Variants in ST6GALNAC3 observed in about 807,000 individuals in gnomAD.
The protein encoded by ST6GALNAC3 is alpha-N-acetylgalactosaminide alpha-2,6-sialyltransferase 3.
Under a neutral mutation model 32.7 loss-of-function variants are expected in ST6GALNAC3, and 25 were observed. That is an observed-to-expected ratio of 0.76 (90% CI 0.56 to 1.07). The LOEUF (loss-of-function observed/expected upper bound fraction) is 1.07, where lower values mean the gene tolerates loss of function less well. ST6GALNAC3 is among the 50% of genes least tolerant of loss of function. The pLI, the probability that ST6GALNAC3 is intolerant of heterozygous loss-of-function variation, is 0.00. For synonymous variants in ST6GALNAC3, 129 were observed against 133.1 expected, an observed-to-expected ratio of 0.97 and a Z score of 0.21; for missense variants, 355 against 382.4, an observed-to-expected ratio of 0.93 and a Z score of 0.60.
At chr1:76,552,483 G>T (rs1200677701) in intron 3 of ST6GALNAC3, among the ~76,000 whole-genome samples, 1 of 152,142 alleles carries the variant, frequency 6.6e-6, no homozygotes, top group Non-Finnish European at 1.5e-5. Flanking sequence ...TTGTGGAGGA[G>T]GTGAGTACCA....
intron 1 of ST6GALNAC3, among the ~76,000 whole-genome samples, chr1:76,266,358 C>A (rs1041419338): frequency 1.3e-5 from 2 of 152,104 alleles, no homozygotes; most frequent in Non-Finnish European, 2.9e-5. Context: ...GTCTTTACTG[C>A]CGAAACTCTC....
intron 3 of ST6GALNAC3, among the ~76,000 whole-genome samples, chr1:76,608,830 CT>C (rs1647737686): frequency 6.6e-6 from 1 of 152,116 alleles, no homozygotes; most frequent in Non-Finnish European, 1.5e-5. Context: ...CAGAATTGCA[CT>C]CAAATATATT....
In ST6GALNAC3 at chr1:76,633,097, C is replaced by T. The variant is rs1649379342; in HGVS notation, c.*4291C>T. Reference sequence around the variant, plus strand: ...TAAAGACCAGCCAATTCAACTCCTACACCTTGGAGCTGAGGAAACAGACAG... The same window carrying T: ...TAAAGACCAGCCAATTCAACTCCTATACCTTGGAGCTGAGGAAACAGACAG... On this transcript the variant is annotated 3_prime_UTR_variant, in exon 5 of 5. Coordinates refer to ENST00000328299, the MANE Select transcript of ST6GALNAC3 (RefSeq NM_152996.4). 6.6e-6 allele frequency: 1 copy of T among 152,182 alleles called. No individual in the cohort carries two copies. Among genetic ancestry groups the T allele is most frequent in the Non-Finnish European group, 1.5e-5 (1 of 68,032 alleles). The allele number at this position is 152,182 out of a possible 1,614,324, so 9.4% of individuals were successfully genotyped here.
chr1:76,102,092 A>G (rs1455848143), intron 1 of ST6GALNAC3, among the ~76,000 whole-genome samples: 1 of 152,158 alleles, frequency 6.6e-6, no homozygotes, highest in Non-Finnish European at 1.5e-5. Context: ...TTAAAATTCC[A>G]TAATATGACT....
intron 2 of ST6GALNAC3, among the ~76,000 whole-genome samples, chr1:76,356,679 A>G (rs894741237): frequency 1.3e-5 from 2 of 152,168 alleles, no homozygotes; most frequent in African/African-American, 4.8e-5. Context: ...TCATAAACAA[A>G]GAGAATACAT....
At chr1:76,499,935 G>C (rs1571430110) in intron 3 of ST6GALNAC3, among the ~76,000 whole-genome samples, 1 of 151,890 alleles carries the variant, frequency 6.6e-6, no homozygotes, top group South Asian at 2.1e-4. Context: ...TTTCTAACTG[G>C]AATACTATGC....
intron 3 of ST6GALNAC3, among the ~76,000 whole-genome samples, chr1:76,450,292 A>G (rs1657297153): frequency 6.6e-6 from 1 of 152,056 alleles, no homozygotes; most frequent in African/African-American, 2.4e-5. Context: ...TGGCATCACA[A>G]AACCACAATG....
At chr1:76,428,184 G>A (rs952037282) in intron 3 of ST6GALNAC3, among the ~76,000 whole-genome samples, 57 of 151,962 alleles carry the variant, frequency 3.8e-4, no homozygotes, top group African/African-American at 1.2e-3. Context: ...TGAATCATAC[G>A]GTTCATCAGC....
At chr1:76,177,616 C>T (rs2100447284) in intron 1 of ST6GALNAC3, among the ~76,000 whole-genome samples, 1 of 152,208 alleles carries the variant, frequency 6.6e-6, no homozygotes, top group Non-Finnish European at 1.5e-5. Flanking sequence ...GCTTTGTGTT[C>T]TTAAGACTCG....
At chr1:76,118,223 A>G (rs1289414012) in intron 1 of ST6GALNAC3, among the ~76,000 whole-genome samples, 1 of 152,102 alleles carries the variant, frequency 6.6e-6, no homozygotes, top group Non-Finnish European at 1.5e-5. Context: ...CCCCCTTATG[A>G]ATGAGAACAT....
Position 76,631,672 on chromosome 1 carries a change from AAATT to A in ST6GALNAC3, c.*2874_*2877del, listed in dbSNP as rs1351850223. ...TATCACTGATGTGTATTTATCCCAG[AAATT>A]AATTAATATCTGTGAAAAATAAAAA... On this transcript the variant is annotated 3_prime_UTR_variant, in exon 5 of 5. Transcript: ENST00000328299. 2 of 152,110 alleles carry A rather than the reference AAATT, an allele frequency of 1.3e-5. No homozygotes were observed. The highest frequency in any genetic ancestry group is 2.9e-5 in the Non-Finnish European group (2 of 67,994). The allele number at this position is 152,110 out of a possible 1,614,324, so 9.4% of individuals were successfully genotyped here. A position where few individuals can be genotyped will look rare whatever the true frequency, so the allele number is the denominator to read the frequency against.
chr1:76,201,246 G>A (rs1654498996), intron 1 of ST6GALNAC3, among the ~76,000 whole-genome samples: 2 of 152,150 alleles, frequency 1.3e-5, no homozygotes, highest in Admixed American at 1.3e-4. Flanking sequence ...CATGGCCAGC[G>A]AGGTCTCAAT....
intron 3 of ST6GALNAC3, among the ~76,000 whole-genome samples, chr1:76,453,840 T>C (rs1657578085): frequency 6.6e-6 from 1 of 152,184 alleles, no homozygotes; most frequent in African/African-American, 2.4e-5. Flanking sequence ...TTGTTCATTT[T>C]CCATCTTGAT....
intron 1 of ST6GALNAC3, among the ~76,000 whole-genome samples, chr1:76,147,908 C>A (rs1650792235): frequency 6.6e-6 from 1 of 152,146 alleles, no homozygotes; most frequent in Non-Finnish European, 1.5e-5. Context: ...TCCAAGGAGC[C>A]TTCTGTATTC....
intron 3 of ST6GALNAC3, among the ~76,000 whole-genome samples, chr1:76,510,308 T>C (rs11807473): frequency 5.9e-4 from 90 of 152,228 alleles, no homozygotes; most frequent in African/African-American, 2.2e-3. Context: ...ACGTGTAAGA[T>C]ATTGTGGCCT....
At chr1:76,618,511 A>T (rs1445402061) in intron 3 of ST6GALNAC3, among the ~76,000 whole-genome samples, 3 of 152,234 alleles carry the variant, frequency 2.0e-5, no homozygotes, top group African/African-American at 7.2e-5. Flanking sequence ...TCTAAAAACA[A>T]TACAATTATC....
At chr1:76,442,903 C>A (rs1656717543) in intron 3 of ST6GALNAC3, among the ~76,000 whole-genome samples, 1 of 152,246 alleles carries the variant, frequency 6.6e-6, no homozygotes, top group South Asian at 2.1e-4. Flanking sequence ...CATTTTCTCA[C>A]ACGTAGGACT....
At chr1:76,591,991 A>G (rs1647055417) in intron 3 of ST6GALNAC3, among the ~76,000 whole-genome samples, 1 of 152,210 alleles carries the variant, frequency 6.6e-6, no homozygotes, top group South Asian at 2.1e-4. Context: ...TAAAGGGTCA[A>G]CCTGCAGAGA....
At chr1:76,586,908 A>G (rs897255042) in intron 3 of ST6GALNAC3, among the ~76,000 whole-genome samples, 1 of 152,174 alleles carries the variant, frequency 6.6e-6, no homozygotes, top group African/African-American at 2.4e-5. Flanking sequence ...ATTTCTGTAC[A>G]GGATTTTGAT....
Sources: allele counts gnomAD v4.1 joint callset (sites outside exome capture counted in the v4.1 genomes callset), GRCh38; gene constraint gnomAD v4.1.1; transcripts MANE v1.5; gene names NCBI Gene and HGNC (gene_info 2026-07-23, HGNC 2026-07-21).